JARID2: variants seen among roughly 807,000 people sequenced by gnomAD.
The protein encoded by JARID2 is protein Jumonji.
JARID2 carries 21 observed loss-of-function variants against 125.6 expected under a neutral mutation model. The observed-to-expected ratio is 0.17, with a 90% CI of 0.12 to 0.24. JARID2 has a LOEUF of 0.24. Among genes scored for constraint, JARID2 ranks in the 10% least tolerant of loss-of-function variants. The pLI is 1.00. For synonymous variants in JARID2, 736 were observed against 661.6 expected, an observed-to-expected ratio of 1.11 and a Z score of -1.73; for missense variants, 1,303 against 1,639.6, an observed-to-expected ratio of 0.79 and a Z score of 3.55.
At chr6:15,261,609 C>T (rs1355582089) in intron 1 of JARID2, among the ~76,000 whole-genome samples, 2 of 152,066 alleles carry the variant, frequency 1.3e-5, no homozygotes, top group African/African-American at 4.8e-5. Context: ...CGTGAGCCAC[C>T]CCGCCCGGCC....
chr6:15,371,268 A>T (rs1038081860), intron 1 of JARID2, among the ~76,000 whole-genome samples: 2 of 152,260 alleles, frequency 1.3e-5, no homozygotes, highest in Non-Finnish European at 1.5e-5. Context: ...TGAAGGCACC[A>T]GCCTGCACAG....
chr6:15,328,513 T>G lies in JARID2; in HGVS notation c.46-45604T>G, dbSNP rs577396018. 3.9e-5 allele frequency among the ~76,000 whole-genome samples: 6 copies of G among 152,302 alleles called. No individual in the cohort carries two copies. The South Asian group carries it at 1.2e-3, about 32-fold the overall frequency. On this transcript the variant is annotated intron_variant, in intron 1 of 17. Coordinates refer to ENST00000341776, the MANE Select transcript of JARID2 (RefSeq NM_004973.4). ...ATTTAGTGTCATTGGGAGCGTTAAGTGATTAGATGTATGGTGCTTAGAACA... is the reference window on the plus strand; with the variant it reads ...ATTTAGTGTCATTGGGAGCGTTAAGGGATTAGATGTATGGTGCTTAGAACA...
At chr6:15,325,247 G>A (rs766117076) in intron 1 of JARID2, among the ~76,000 whole-genome samples, 7 of 151,906 alleles carry the variant, frequency 4.6e-5, no homozygotes, top group South Asian at 4.2e-4. Flanking sequence ...AAGAACTTTC[G>A]AATTGAGACC....
intron 5 of JARID2, among the ~76,000 whole-genome samples, chr6:15,482,823 G>T (rs537566099): frequency 3.3e-5 from 5 of 152,206 alleles, no homozygotes; most frequent in African/African-American, 1.2e-4. Context: ...AATATCCATT[G>T]GTTTGTCTTT....
intron 2 of JARID2, among the ~76,000 whole-genome samples, chr6:15,399,133 A>C (rs2127552593): frequency 6.6e-6 from 1 of 152,350 alleles, no homozygotes; most frequent in East Asian, 1.9e-4. Flanking sequence ...TGTTAACAGG[A>C]ACGTGCTGCA....
intron 1 of JARID2, among the ~76,000 whole-genome samples, chr6:15,332,943 T>TC (rs1762762259): frequency 7.4e-6 from 1 of 135,448 alleles, no homozygotes. Flanking sequence ...TTCTTTTTTT[T>TC]TTTTTTTTTT....
chr6:15,461,511 T>A (rs573720449), intron 4 of JARID2, among the ~76,000 whole-genome samples: 1 of 152,314 alleles, frequency 6.6e-6, no homozygotes, highest in East Asian at 1.9e-4. Context: ...TCCCTCCTTG[T>A]TCCTTAACAA....
intron 2 of JARID2, among the ~76,000 whole-genome samples, chr6:15,383,124 A>G (rs1309958093): frequency 6.6e-6 from 1 of 152,070 alleles, no homozygotes; most frequent in African/African-American, 2.4e-5. Context: ...TCAGTTTCAA[A>G]GAAGTGGGGA....
chr6:15,432,897 A>G (rs1194813609), intron 3 of JARID2, among the ~76,000 whole-genome samples: 1 of 152,212 alleles, frequency 6.6e-6, no homozygotes, highest in Admixed American at 6.5e-5. Flanking sequence ...AGCATTGGCT[A>G]TAACCCAGTA....
intron 1 of JARID2, among the ~76,000 whole-genome samples, chr6:15,362,935 C>T (rs1359477530): frequency 3.3e-5 from 5 of 152,106 alleles, no homozygotes; most frequent in African/African-American, 7.2e-5. Flanking sequence ...AGTCCAGTTT[C>T]GGTTTCTAGA....
chr6:15,424,141 T>TC (rs1226115052), intron 3 of JARID2, among the ~76,000 whole-genome samples: 1 of 151,818 alleles, frequency 6.6e-6, no homozygotes, highest in Non-Finnish European at 1.5e-5. Context: ...CTCTTTTTTT[T>TC]TTTTTTTTAA....
At chr6:15,383,483 A>G (rs967168502) in intron 2 of JARID2, among the ~76,000 whole-genome samples, 5 of 152,038 alleles carry the variant, frequency 3.3e-5, no homozygotes, top group African/African-American at 1.2e-4. Flanking sequence ...TTTTCCCATA[A>G]TAAAGTAAAG....
chr6:15,423,954 C>T (rs1766612276), intron 3 of JARID2, among the ~76,000 whole-genome samples: 1 of 152,110 alleles, frequency 6.6e-6, no homozygotes, highest in Admixed American at 6.5e-5. Context: ...CCCGGAGGGT[C>T]TTTTTGTTAA....
rs1231228343 is a variant in JARID2, at chr6:15,413,002, G to T, written c.323+2637G>T. Reference sequence around the variant, plus strand: ...AACATTATACATGGGAAGAGCTTGTGTTTTTGTTTTTTTTTTTTTTGTTTT... The same window carrying T: ...AACATTATACATGGGAAGAGCTTGTTTTTTTGTTTTTTTTTTTTTTGTTTT... On this transcript the variant is annotated intron_variant, in intron 3 of 17. Transcript: ENST00000341776. 2.7e-3 allele frequency among the ~76,000 whole-genome samples: 127 copies of T among 46,536 alleles called. 1 individual carries two copies. The highest frequency in any genetic ancestry group is 9.7e-3 in the African/African-American group (104 of 10,752). The allele number at this position is 46,536 out of a possible 152,430, so 30.5% of individuals were successfully genotyped here.
chr6:15,315,624 A>G (rs1205292593), intron 1 of JARID2, among the ~76,000 whole-genome samples: 4 of 152,204 alleles, frequency 2.6e-5, no homozygotes, highest in African/African-American at 9.7e-5. Flanking sequence ...AAAGTGAGAT[A>G]TCTTCATCTG....
Position 15,342,643 on chromosome 6 carries a change from G to T in JARID2, c.46-31474G>T, listed in dbSNP as rs1034508627. 3.3e-5 allele frequency among the ~76,000 whole-genome samples: 5 copies of T among 152,150 alleles called. No homozygotes were observed. In the East Asian group the frequency reaches 7.7e-4, roughly 23 times the overall value. On this transcript the variant is annotated intron_variant, in intron 1 of 17. Coordinates refer to ENST00000341776, the MANE Select transcript of JARID2 (RefSeq NM_004973.4). ...TATTCAGAATATACACATTTTTAAT[G>T]GGGGGTATTCTATTAAGTTCTATTA...
chr6:15,492,171 G>C lies in JARID2; in HGVS notation c.907-3961G>C, dbSNP rs1205364550. ...ACCTCACTTTCTGCAGAGCTGGGTT[G>C]GGGGCTGGGGGCAATGGGCTGAGAA... On this transcript the variant is annotated intron_variant, in intron 6 of 17. Coordinates refer to ENST00000341776, the MANE Select transcript of JARID2 (RefSeq NM_004973.4). 9.2e-5 allele frequency among the ~76,000 whole-genome samples: 14 copies of C among 152,256 alleles called. No homozygotes were observed. The Middle Eastern group carries it at 9.5e-3, about 103-fold the overall frequency.
intron 1 of JARID2, among the ~76,000 whole-genome samples, chr6:15,308,475 ATT>A (rs1342091921): frequency 2.0e-5 from 3 of 152,194 alleles, no homozygotes; most frequent in Admixed American, 2.0e-4. Context: ...TGCTTTCTTC[ATT>A]CCCTTACTTC....
Position 15,410,290 on chromosome 6 carries a change from A to T in JARID2, c.248A>T (p.Asp83Val), listed in dbSNP as rs1765822758. The T allele has an allele frequency of 3.7e-6, 6 of 1,614,090 alleles. No individual in the cohort carries two copies. The highest frequency in any genetic ancestry group is 1.1e-5 in the South Asian group (1 of 91,086). The change falls in exon 3 of 18, where the codon GAC (aspartate) becomes GTC (valine). Residue 83 changes from aspartate (D) to valine (V), a missense_variant. Physicochemically the swap from Asp to Val is radical, Grantham distance 152. Around this residue, in one of 11 missense-constraint regions of JARID2, gnomAD observed 93 missense variants for 120.4 expected, o/e 0.77. Coordinates refer to ENST00000341776, the MANE Select transcript of JARID2 (RefSeq NM_004973.4). Reference sequence around the variant, plus strand: ...TCAGAACAGTCAGAGAATGAAAAGGACGATGCATCCCAAGTGTCCTCCACT... The same window carrying T: ...TCAGAACAGTCAGAGAATGAAAAGGTCGATGCATCCCAAGTGTCCTCCACT... Reference protein sequence around the residue: ...PASEQSENEKDDASQVSSTSN... With the variant: ...PASEQSENEKVDASQVSSTSN...
Sources: gnomAD v4.1 joint callset for allele counts (sites outside exome capture counted in the v4.1 genomes callset) on GRCh38, gnomAD v4.1.1 for gene constraint, gnomAD v4.1.1 regional missense constraint, MANE v1.5 for transcripts, NCBI Gene and HGNC (gene_info 2026-07-23, HGNC 2026-07-21) for gene names.